The following TENM2 variants were observed in gnomAD, a reference collection of about 807,000 sequenced individuals.
The protein encoded by TENM2 is teneurin-2.
A neutral mutation model predicts 245.2 loss-of-function variants in TENM2; 52 were observed. The ratio of observed to expected loss-of-function variants is 0.21; its 90% CI spans 0.17 to 0.27. The LOEUF (loss-of-function observed/expected upper bound fraction) is 0.27, where lower values mean the gene tolerates loss of function less well. TENM2 is among the 10% of genes least tolerant of loss of function. The probability of loss-of-function intolerance (pLI) is 1.00; values close to 1 mark genes in which losing one functional copy is unlikely to be tolerated. For synonymous variants in TENM2, 1,363 were observed against 1,438.9 expected (o/e 0.95, Z 1.19); for missense variants, 3,046 against 3,666.8 (o/e 0.83, Z 4.37).
At chr5:167,323,221 G>A (rs1469583829) in intron 1 of TENM2, among the ~76,000 whole-genome samples, 1 of 152,162 alleles carries the variant, frequency 6.6e-6, no homozygotes, top group African/African-American at 2.4e-5. Flanking sequence ...TATTATTCTA[G>A]TTTGGTTTTC....
At chr5:168,221,312 G>A (rs1406612931) in intron 23 of TENM2, among the ~76,000 whole-genome samples, 3 of 152,056 alleles carry the variant, frequency 2.0e-5, no homozygotes, top group Non-Finnish European at 4.4e-5. Context: ...CACAGTGACT[G>A]TCTAAATATG....
chr5:167,094,596 T>A, the TENM2 span, among the ~76,000 whole-genome samples: 12 of 152,322 alleles, frequency 7.9e-5, no homozygotes, highest in Non-Finnish European at 1.6e-4. Context: ...GTTTATGTAG[T>A]CCACTGAGAG....
intron 1 of TENM2, among the ~76,000 whole-genome samples, chr5:167,353,670 G>A (rs2127852717): frequency 6.6e-6 from 1 of 151,646 alleles, no homozygotes; most frequent in South Asian, 2.1e-4. Flanking sequence ...ACTACGCCCG[G>A]CTAATTTTTT....
At chr5:167,997,853 C>G (rs1024450352) in intron 5 of TENM2, among the ~76,000 whole-genome samples, 2 of 152,148 alleles carry the variant, frequency 1.3e-5, no homozygotes, top group African/African-American at 4.8e-5. Flanking sequence ...CTAAGAATAC[C>G]TTTCAGGTTG....
the TENM2 span, among the ~76,000 whole-genome samples, chr5:166,998,694 G>A: frequency 6.6e-6 from 1 of 152,268 alleles, no homozygotes; most frequent in Non-Finnish European, 1.5e-5. Context: ...CACAAAGTAT[G>A]GGACTTGTTT....
chr5:168,073,376 G>A (rs1184462417), intron 7 of TENM2, among the ~76,000 whole-genome samples: 1 of 152,200 alleles, frequency 6.6e-6, no homozygotes, highest in Non-Finnish European at 1.5e-5. Flanking sequence ...AGCAGGCAAG[G>A]AGAAAGACAA....
At chr5:167,108,189 AAT>A in the TENM2 span, among the ~76,000 whole-genome samples, 666 of 152,222 alleles carry the variant, frequency 4.4e-3, 5 homozygotes, top group Non-Finnish European at 7.2e-3. Context: ...GCAGTGGTGC[AAT>A]CTCGACTCAC....
chr5:167,627,710 G>A (rs550180587), intron 2 of TENM2, among the ~76,000 whole-genome samples: 20 of 151,892 alleles, frequency 1.3e-4, no homozygotes, highest in African/African-American at 3.1e-4. Context: ...GGTGCCCACC[G>A]CCATGCCAGG....
At chr5:167,547,328 C>A (rs1183971256) in intron 2 of TENM2, among the ~76,000 whole-genome samples, 1 of 152,254 alleles carries the variant, frequency 6.6e-6, no homozygotes, top group Middle Eastern at 3.4e-3. Context: ...GCCTCAGCAC[C>A]CCAAAGTGCT....
the TENM2 span, among the ~76,000 whole-genome samples, chr5:167,118,208 T>C: frequency 1.3e-5 from 2 of 152,198 alleles, no homozygotes; most frequent in African/African-American, 4.8e-5. Flanking sequence ...CTTTCTATAT[T>C]AGATTAAAAA....
At chr5:167,321,776 C>T (rs1014594944) in intron 1 of TENM2, among the ~76,000 whole-genome samples, 2 of 73,358 alleles carry the variant, frequency 2.7e-5, no homozygotes, top group South Asian at 9.7e-4. Flanking sequence ...TGTCTTGCTG[C>T]CTTGGCTTAT....
chr5:167,035,140 T>C, the TENM2 span, among the ~76,000 whole-genome samples: 14 of 152,310 alleles, frequency 9.2e-5, 1 homozygote, highest in Admixed American at 9.2e-4. Context: ...GTATTTTATT[T>C]GAAACAAGCA....
chr5:167,479,166 A>C (rs932485438), intron 2 of TENM2, among the ~76,000 whole-genome samples: 3 of 152,132 alleles, frequency 2.0e-5, no homozygotes, highest in African/African-American at 7.2e-5. Context: ...ACTGGACCAA[A>C]CCCAGATTTA....
At chr5:167,225,591 T>C in the TENM2 span, among the ~76,000 whole-genome samples, 35 of 151,934 alleles carry the variant, frequency 2.3e-4, no homozygotes, top group African/African-American at 8.0e-4. Flanking sequence ...AATTGTTTGG[T>C]TCTATGTTCA....
the TENM2 span, among the ~76,000 whole-genome samples, chr5:167,123,068 C>A: frequency 6.6e-6 from 1 of 151,016 alleles, no homozygotes; most frequent in Non-Finnish European, 1.5e-5. Flanking sequence ...GAGGCCAAGG[C>A]GAGTGGATCA....
intron 4 of TENM2, among the ~76,000 whole-genome samples, chr5:167,983,554 T>C (rs1783005311): frequency 1.3e-5 from 2 of 152,178 alleles, no homozygotes; most frequent in Admixed American, 6.5e-5. Context: ...GGTTCAGGGA[T>C]GAGAAACCTT....
chr5:167,968,049 C>A (rs1452826591), intron 4 of TENM2, among the ~76,000 whole-genome samples: 1 of 152,178 alleles, frequency 6.6e-6, no homozygotes, highest in African/African-American at 2.4e-5. Flanking sequence ...ATTTATTAGT[C>A]TTGGCCTTAT....
At chr5:167,678,341 T>A (rs541178013) in intron 2 of TENM2, among the ~76,000 whole-genome samples, 10 of 152,286 alleles carry the variant, frequency 6.6e-5, no homozygotes, top group Middle Eastern at 3.4e-3. Context: ...GATTAGTTCT[T>A]CCTTTTAAAA....
At chr5:168,132,917 A>G (rs1489987577) in intron 12 of TENM2, among the ~76,000 whole-genome samples, 1 of 152,212 alleles carries the variant, frequency 6.6e-6, no homozygotes, top group African/African-American at 2.4e-5. Context: ...GCTCCCTTAG[A>G]TATTTGTGAT....
Sources: gnomAD v4.1 joint callset for allele counts (sites outside exome capture counted in the v4.1 genomes callset) on GRCh38, gnomAD v4.1.1 for gene constraint, MANE v1.5 for transcripts, NCBI Gene and HGNC (gene_info 2026-07-23, HGNC 2026-07-21) for gene names.